The following VWA3A variants were observed in gnomAD, a reference collection of about 807,000 sequenced individuals.
The protein encoded by VWA3A is von Willebrand factor A domain containing 3A, also known as von Willebrand factor A domain-containing protein 3A.
VWA3A carries 134 observed loss-of-function variants against 160.4 expected under a neutral mutation model. The observed-to-expected ratio is 0.84, with a 90% CI of 0.73 to 0.96. The LOEUF is 0.96. Ranked by LOEUF, VWA3A falls within the 40% of genes least tolerant of loss-of-function variation. The probability of loss-of-function intolerance (pLI) is 0.00; values close to 1 mark genes in which losing one functional copy is unlikely to be tolerated. For missense variants in VWA3A, 1,310 were observed against 1,447.9 expected (o/e 0.90, Z 1.55); for synonymous variants, 476 against 543.4 (o/e 0.88, Z 1.72).
chr16:22,111,895 G>A (rs531927868), intron 8 of VWA3A, among the ~76,000 whole-genome samples: 21 of 152,152 alleles, frequency 1.4e-4, no homozygotes, highest in Non-Finnish European at 2.5e-4. Flanking sequence ...GGGACTACGG[G>A]TATGAGACAC....
chr16:22,153,998 C>T (rs761589771), intron 31 of VWA3A, among the ~76,000 whole-genome samples: 4 of 152,108 alleles, frequency 2.6e-5, no homozygotes, highest in Non-Finnish European at 5.9e-5. Context: ...CTGAGCTTCC[C>T]AAAGTGTTGG....
chr16:22,123,141 C>A lies in VWA3A; in HGVS notation c.1413C>A (p.Asp471Glu), dbSNP rs2045776584. The A allele has an allele frequency of 1.9e-6, 3 of 1,604,820 alleles. No individual in the cohort carries two copies. The African/African-American group carries it at 4.0e-5, about 21-fold the overall frequency. The change falls in exon 15 of 34, where the codon GAC (aspartate) becomes GAA (glutamate). Residue 471 changes from aspartate to glutamate, a missense_variant. Asp to Glu is a conservative substitution (Grantham distance 45). Transcript: ENST00000389398. ...HDGTVKNIHV[D>E]PPFLYKYQQQ... ...GGACAGTGAAGAACATTCATGTGGA[C>A]CCACCCTTCCTCTATAAGTACCAGG... is the stretch of plus-strand genomic sequence containing the variant.
intron 5 of VWA3A, 67 bp downstream of exon 5, chr16:22,100,560 C>A: frequency 6.8e-7 from 1 of 1,465,890 alleles, no homozygotes; most frequent in South Asian, 1.2e-5. Flanking sequence ...TCAGTCCGGG[C>A]ATGGTGGCTT....
intron 6 of VWA3A, among the ~76,000 whole-genome samples, chr16:22,105,155 C>T (rs957886303): frequency 3.3e-5 from 5 of 152,262 alleles, no homozygotes; most frequent in Non-Finnish European, 1.5e-5. Context: ...AGAGACCCCA[C>T]GGGAATGAAA....
intron 31 of VWA3A, among the ~76,000 whole-genome samples, chr16:22,155,073 G>C (rs947711149): frequency 1.5e-4 from 22 of 147,682 alleles, no homozygotes; most frequent in African/African-American, 5.2e-4. Context: ...AGGATAGCTT[G>C]AGCCCAGGAG....
intron 24 of VWA3A, among the ~76,000 whole-genome samples, chr16:22,142,122 C>T (rs2046161764): frequency 6.6e-6 from 1 of 152,152 alleles, no homozygotes; most frequent in Non-Finnish European, 1.5e-5. Flanking sequence ...CTTTCTACCT[C>T]TCAGCAAATT....
intron 7 of VWA3A, among the ~76,000 whole-genome samples, chr16:22,110,269 GAT>G (rs1397045192): frequency 6.6e-6 from 1 of 152,226 alleles, no homozygotes; most frequent in Non-Finnish European, 1.5e-5. Flanking sequence ...TCTGCAGCGT[GAT>G]GTGATGTGGA....
chr16:22,151,810 G>A (rs1163974204), intron 30 of VWA3A, among the ~76,000 whole-genome samples: 1 of 151,930 alleles, frequency 6.6e-6, no homozygotes, highest in South Asian at 2.1e-4. Context: ...GACTGCATAG[G>A]GACACATTTT....
chr16:22,126,992 A>G (rs1022349394), intron 17 of VWA3A, among the ~76,000 whole-genome samples: 2 of 149,394 alleles, frequency 1.3e-5, no homozygotes, highest in Admixed American at 6.7e-5. Context: ...TCAAAATTAT[A>G]TATAGTTTTA....
chr16:22,129,137 C>T (rs938377271), intron 17 of VWA3A, among the ~76,000 whole-genome samples: 6 of 150,648 alleles, frequency 4.0e-5, no homozygotes, highest in African/African-American at 1.2e-4. Flanking sequence ...CGCTTGTAAT[C>T]CCAGCACTTT....
chr16:22,123,634 C>T lies in VWA3A; in HGVS notation c.1459C>T (p.Arg487Trp), dbSNP rs202091597. 2.0e-5 allele frequency: 32 copies of T among 1,613,878 alleles called. No homozygotes were observed. The highest frequency in any genetic ancestry group is 1.1e-4 in the African/African-American group (8 of 75,038). Reference protein sequence around the residue: ...KYQQQLSRAMRMYERRIEWLS... With the variant: ...KYQQQLSRAMWMYERRIEWLS... ...GCAGCAACAGCTCAGCAGAGCTATGCGGATGTATGAGAGGCGGATTGAGTG... is the reference window on the plus strand; with the variant it reads ...GCAGCAACAGCTCAGCAGAGCTATGTGGATGTATGAGAGGCGGATTGAGTG... The change falls in exon 16 of 34, where the codon CGG becomes TGG. Residue 487 changes from arginine (R) to tryptophan (W), a missense_variant. By Grantham distance (101) the Arg-to-Trp change is moderately radical. Coordinates refer to ENST00000389398, the MANE Select transcript of VWA3A (RefSeq NM_173615.5).
intron 12 of VWA3A, 48 bp downstream of exon 12, chr16:22,119,075 A>C: frequency 6.4e-7 from 1 of 1,551,018 alleles, no homozygotes; most frequent in Non-Finnish European, 8.7e-7. Context: ...AGCAGCACTC[A>C]GCTGGCCTCG....
rs1241443445 is a variant in VWA3A at position 22,132,734 on chromosome 16, A to G, written c.1873-166A>G. ...CTCCCCAACCACACTCTGTTAAAAT[A>G]TTGAGAGAAACTGCAACCCAGCCTC... On this transcript the variant is annotated intron_variant, in intron 19 of 33. Transcript: ENST00000389398. 9.2e-6 allele frequency: 6 copies of G among 649,040 alleles called. No individual in the cohort carries two copies. In the East Asian group the frequency reaches 1.7e-4, roughly 18 times the overall value. The allele number at this position is 649,040 out of a possible 1,614,324, so 40.2% of individuals were successfully genotyped here.
rs552214744 is a variant in VWA3A, at chr16:22,105,335, G to A, written c.483+1806G>A. On this transcript the variant is annotated intron_variant, in intron 6 of 33. Transcript: ENST00000389398. ...AAACCATGGAAGAGCCCAGGGAAAC[G>A]ATCACCTGTAAATCAGCTTACCAGG... 3.9e-5 allele frequency among the ~76,000 whole-genome samples: 6 copies of A among 152,276 alleles called. No individual in the cohort carries two copies. The South Asian group carries it at 1.2e-3, about 32-fold the overall frequency.
chr16:22,150,992 A>G, intron 30 of VWA3A, 146 bp downstream of exon 30: 1 of 1,087,936 alleles, frequency 9.2e-7, no homozygotes, highest in Non-Finnish European at 1.3e-6. Context: ...AGAAATTAGG[A>G]GAAGCGGCCG....
In VWA3A at chr16:22,138,504, G is replaced by T; in HGVS notation, c.2284G>T (p.Ala762Ser). The T allele has an allele frequency of 1.2e-6, 2 of 1,613,882 alleles. No individual in the cohort carries two copies. Among genetic ancestry groups the T allele is most frequent in the Non-Finnish European group, 1.7e-6 (2 of 1,179,848 alleles). ...TCCCAGGCCCACCGTCCCCCTGGGG[G>T]CCAGAATGGTTTGACTCCCCTCCTA... ...CPPRPTVPLG[A>S]RMSIKDDPDR... The change falls in exon 22 of 34, where the codon GCC (alanine) becomes TCC (serine). Residue 762 changes from alanine to serine, a missense_variant. Ala to Ser is a moderately conservative substitution (Grantham distance 99). Coordinates refer to ENST00000389398, the MANE Select transcript of VWA3A (RefSeq NM_173615.5).
At chr16:22,117,558 T>C (rs1465505426) in intron 11 of VWA3A, among the ~76,000 whole-genome samples, 1 of 152,180 alleles carries the variant, frequency 6.6e-6, no homozygotes, top group African/African-American at 2.4e-5. Flanking sequence ...CTCTCCTAGA[T>C]CAACTCCTGC....
chr16:22,126,075 A>T, intron 16 of VWA3A, 103 bp from the exon 17 acceptor site: 1 of 1,517,890 alleles, frequency 6.6e-7, no homozygotes, highest in Non-Finnish European at 8.9e-7. Flanking sequence ...TGAATTTGGC[A>T]TGCAAAATTC....
intron 24 of VWA3A, 103 bp downstream of exon 24, chr16:22,141,795 AC>A: frequency 1.1e-6 from 1 of 940,686 alleles, no homozygotes; most frequent in Non-Finnish European, 1.6e-6. Context: ...CTGTCCCAGG[AC>A]CTAGGCACTG....
Sources: gnomAD v4.1 joint callset for allele counts (sites outside exome capture counted in the v4.1 genomes callset) on GRCh38, gnomAD v4.1.1 for gene constraint, MANE v1.5 for transcripts, NCBI Gene and HGNC (gene_info 2026-07-23, HGNC 2026-07-21) for gene names.